ESCO2: variants seen among roughly 807,000 people sequenced by gnomAD.
ESCO2 encodes N-acetyltransferase ESCO2.
ESCO2 carries 51 observed loss-of-function variants against 61.7 expected under a neutral mutation model. The observed-to-expected ratio is 0.83, with a 90% CI of 0.66 to 1.04. The LOEUF is 1.04. Ranked by LOEUF, ESCO2 falls within the 50% of genes least tolerant of loss-of-function variation. The probability of loss-of-function intolerance (pLI) is 0.00; values close to 1 mark genes in which losing one functional copy is unlikely to be tolerated. For missense variants in ESCO2, 692 were observed against 686.2 expected, an observed-to-expected ratio of 1.01 and a Z score of -0.09; for synonymous variants, 230 against 238.2, an observed-to-expected ratio of 0.97 and a Z score of 0.32.
At position 27,777,065 on chromosome 8, in the gene ESCO2, A is replaced by G. The variant is rs1804810320; in HGVS notation, c.757A>G (p.Lys253Glu). The stretch of plus-strand genomic sequence containing the variant: ...TGATGTAGAGACTGTCAGTGAAAAA[A>G]AAACTTTTGCGACAAGGCAAGTGCC... ...DSDVETVSEK[K>E]TFATRQVPKC... is the part of the protein sequence containing the mutation. Residue 253 changes from lysine to glutamate, a missense_variant, in exon 3 of 11, where the codon AAA (lysine) becomes GAA (glutamate). Transcript: ENST00000305188. 1 of 1,606,538 alleles carries G rather than the reference A, an allele frequency of 6.2e-7. No homozygotes were observed.
chr8:27,776,504 A>G lies in ESCO2; in HGVS notation c.196A>G (p.Asn66Asp), dbSNP rs767224873. 2.5e-6 allele frequency: 4 copies of G among 1,613,876 alleles called. No homozygotes were observed. The South Asian group carries it at 4.4e-5, about 18-fold the overall frequency. ...AAGTGCGCTCAAAACAACTGAAATA[A>G]ATAGACTGCCATCAGCAAATCAAGG... ...VLSALKTTEI[N>D]RLPSANQGSP... is the part of the protein sequence containing the mutation. Residue 66 changes from asparagine to aspartate, a missense_variant, in exon 3 of 11, where the codon AAT becomes GAT. Transcript: ENST00000305188.
downstream of ESCO2, chr8:27,811,371 T>A (rs2128960902): frequency 1.7e-6 from 1 of 586,398 alleles, no homozygotes. Context: ...CTCTTACAAA[T>A]TAGTAGGAAT....
At chr8:27,778,768 A>G (rs1340106120) in intron 3 of ESCO2, 1 of 152,000 alleles carries the variant, frequency 6.6e-6, no homozygotes, top group African/African-American at 2.4e-5. Context: ...GCTTCACTTT[A>G]CGGGTTTGGT....
chr8:27,776,721 A>G lies in ESCO2; in HGVS notation c.413A>G (p.Lys138Arg). Residue 138 changes from lysine to arginine, a missense_variant, in exon 3 of 11, where the codon AAA (lysine) becomes AGA (arginine). Lys to Arg is a conservative substitution (Grantham distance 26). Coordinates refer to ENST00000305188, the MANE Select transcript of ESCO2 (RefSeq NM_001017420.3). ...GKPVCSKKNNKKPQKSLTAKY... is the reference protein window; with the variant it reads ...GKPVCSKKNNRKPQKSLTAKY... ...CCAGTCTGCTCCAAGAAGAACAACA[A>G]AAAACCACAGAAGAGTTTAACTGCT... is the stretch of plus-strand genomic sequence containing the variant. The G allele has an allele frequency of 6.2e-7, 1 of 1,613,956 alleles. No homozygotes were observed. The highest frequency in any genetic ancestry group is 1.1e-5 in the South Asian group (1 of 91,086).
chr8:27,792,884 C>T (rs918853412), intron 9 of ESCO2, 73 bp downstream of exon 9: 13 of 1,446,686 alleles, frequency 9.0e-6, no homozygotes, highest in Non-Finnish European at 1.2e-5. Flanking sequence ...GAAGTCTCAG[C>T]ATTTAAGATT....
intron 9 of ESCO2, among the ~76,000 whole-genome samples, chr8:27,797,445 A>C (rs962445357): frequency 1.3e-5 from 2 of 151,914 alleles, no homozygotes; most frequent in Non-Finnish European, 2.9e-5. Context: ...CTGACCCTTC[A>C]CTTTCAGTCT....
chr8:27,785,626 AG>A (rs201086324), intron 5 of ESCO2, among the ~76,000 whole-genome samples: 16,074 of 151,592 alleles, frequency 0.11, 955 homozygotes, highest in East Asian at 0.24. Context: ...CTTGAACCCA[AG>A]AGGCAGAGGT....
downstream of ESCO2, among the ~76,000 whole-genome samples, chr8:27,808,684 C>CAAAAAAA (rs34162059): frequency 1.0e-3 from 109 of 106,528 alleles, no homozygotes; most frequent in East Asian, 4.6e-3. Context: ...GACCCTGTCT[C>CAAAAAAA]AAAAAAAAAA....
intron 1 of ESCO2, chr8:27,774,842 T>G (rs1235478246): frequency 1.3e-5 from 2 of 152,422 alleles, no homozygotes. Flanking sequence ...GTTTGTTTGT[T>G]TGTTTCCCTG....
At chr8:27,813,989 T>G (rs1430492387), downstream of ESCO2, among the ~76,000 whole-genome samples, 1 of 152,202 alleles carries the variant, frequency 6.6e-6, no homozygotes, top group East Asian at 1.9e-4. Context: ...GATGCAGGCA[T>G]GCAGTGTATA....
chr8:27,774,981 A>T (rs1804753773), intron 1 of ESCO2, among the ~76,000 whole-genome samples: 1 of 152,284 alleles, frequency 6.6e-6, no homozygotes, highest in South Asian at 2.1e-4. Context: ...TCATTCATTA[A>T]TAGCTTTGAA....
At chr8:27,815,415 C>T (rs184931827), downstream of ESCO2, among the ~76,000 whole-genome samples, 72 of 152,272 alleles carry the variant, frequency 4.7e-4, no homozygotes, top group African/African-American at 1.7e-3. Context: ...GTACTTAGTT[C>T]TGCTTTGGGC....
chr8:27,772,664 T>C (rs779033824), upstream of ESCO2: 160 of 906,990 alleles, frequency 1.8e-4, no homozygotes, highest in Non-Finnish European at 2.0e-4. Flanking sequence ...CCGGCGGACG[T>C]CGGGGCGCGT....
At chr8:27,813,740 C>T (rs1408301290), downstream of ESCO2, among the ~76,000 whole-genome samples, 2 of 152,126 alleles carry the variant, frequency 1.3e-5, no homozygotes, top group African/African-American at 2.4e-5. Flanking sequence ...GGTGACCTAA[C>T]GTACAGCATA....
chr8:27,801,596 A>G (rs1805427459), intron 10 of ESCO2, among the ~76,000 whole-genome samples: 1 of 152,324 alleles, frequency 6.6e-6, no homozygotes, highest in South Asian at 2.1e-4. Flanking sequence ...CATATTATGT[A>G]TTTAATTATA....
At chr8:27,800,890 G>A (rs1805408285) in intron 10 of ESCO2, among the ~76,000 whole-genome samples, 1 of 152,126 alleles carries the variant, frequency 6.6e-6, no homozygotes, top group Non-Finnish European at 1.5e-5. Context: ...TCCATAAGAG[G>A]CAGGCAAATC....
At chr8:27,819,146 C>T in the ESCO2 span, among the ~76,000 whole-genome samples, 2 of 152,112 alleles carry the variant, frequency 1.3e-5, no homozygotes, top group Non-Finnish European at 2.9e-5. Flanking sequence ...CTCCTCCTTT[C>T]ATCGAGTTTT....
At position 27,776,346 on chromosome 8, in the gene ESCO2, TTG is replaced by T. The variant is rs1345191732; in HGVS notation, c.54-14_54-13del. ...CGCAAAATAATCTTATCAATGGACT[TTG>T]TTTCTTTTTATAGCCTTTTACACTT... is the stretch of plus-strand genomic sequence containing the variant. On this transcript the variant is annotated splice_polypyrimidine_tract_variant and intron_variant, in intron 2 of 10. Transcript: ENST00000305188. The T allele has an allele frequency of 1.3e-6, 2 of 1,589,356 alleles. No individual in the cohort carries two copies. The highest frequency in any genetic ancestry group is 1.7e-5 in the Admixed American group (1 of 57,638).
the ESCO2 span, among the ~76,000 whole-genome samples, chr8:27,819,418 A>G: frequency 3.9e-5 from 6 of 152,016 alleles, no homozygotes; most frequent in Non-Finnish European, 5.9e-5. Flanking sequence ...ATATTCTTAT[A>G]TTTTCTAAAT....
Sources: allele counts gnomAD v4.1 joint callset (sites outside exome capture counted in the v4.1 genomes callset), GRCh38; gene constraint gnomAD v4.1.1; transcripts MANE v1.5; gene names NCBI Gene and HGNC (gene_info 2026-07-23, HGNC 2026-07-21).